The following CPNE5 variants were observed in gnomAD, a reference collection of about 807,000 sequenced individuals.
CPNE5 encodes the protein copine 5.
Under a neutral mutation model 81.1 loss-of-function variants are expected in CPNE5, and 42 were observed. The ratio of observed to expected loss-of-function variants is 0.52; its 90% CI spans 0.40 to 0.67. The LOEUF is 0.67. Among genes scored for constraint, CPNE5 ranks in the 30% least tolerant of loss-of-function variants. The probability of loss-of-function intolerance (pLI) is 0.00; values close to 1 mark genes in which losing one functional copy is unlikely to be tolerated. For synonymous variants in CPNE5, 313 were observed against 321.5 expected (o/e 0.97, Z 0.28); for missense variants, 612 against 815.5 (o/e 0.75, Z 3.04).
chr6:36,770,492 G>A (rs999936348), intron 10 of CPNE5, among the ~76,000 whole-genome samples: 8 of 152,054 alleles, frequency 5.3e-5, no homozygotes, highest in African/African-American at 1.9e-4. Flanking sequence ...CCATCATTCC[G>A]AGAACACTGC....
rs1451583650 is a variant in CPNE5 at position 36,753,542 on chromosome 6, AGC to A, written c.910-449_910-448del. 2.0e-5 allele frequency among the ~76,000 whole-genome samples: 3 copies of A among 152,356 alleles called. No individual in the cohort carries two copies. The East Asian group carries it at 5.8e-4, about 29-fold the overall frequency. ...GCCTAACAACCTGCCAATGCCGACC[AGC>A]TTCAGGCTTCCATGTGCCTAGAGCT... is the stretch of plus-strand genomic sequence containing the variant. On this transcript the variant is annotated intron_variant, in intron 13 of 20. Coordinates refer to ENST00000244751, the MANE Select transcript of CPNE5 (RefSeq NM_020939.2).
At chr6:36,742,985 T>G in intron 20 of CPNE5, 1 of 985,396 alleles carries the variant, frequency 1.0e-6, no homozygotes, top group Non-Finnish European at 1.2e-6. Context: ...GCGCCTCTTC[T>G]GGCTCACTCC....
At chr6:36,811,148 C>T (rs575082010) in intron 3 of CPNE5, among the ~76,000 whole-genome samples, 2 of 152,186 alleles carry the variant, frequency 1.3e-5, no homozygotes. Context: ...CTCTCCACCA[C>T]CTTGTCCCCA....
At chr6:36,753,861 G>A (rs1158480700) in intron 13 of CPNE5, among the ~76,000 whole-genome samples, 2 of 152,234 alleles carry the variant, frequency 1.3e-5, no homozygotes, top group Non-Finnish European at 2.9e-5. Flanking sequence ...TATGAGACAA[G>A]ATTAGGGCAG....
chr6:36,775,557 G>T lies in CPNE5; in HGVS notation c.633-492C>A, dbSNP rs934614245. ...TTGTGCCTGCTGTTCCCCTGGCCTG[G>T]AATATTCTCTCCTCCGCTTCCATCT... On this transcript the variant is annotated intron_variant, in intron 9 of 20. Coordinates refer to ENST00000244751, the MANE Select transcript of CPNE5 (RefSeq NM_020939.2). 2.4e-4 allele frequency among the ~76,000 whole-genome samples: 37 copies of T among 152,148 alleles called. 1 individual carries two copies. Among genetic ancestry groups the T allele is most frequent in the Non-Finnish European group, 7.3e-5 (5 of 68,034 alleles).
chr6:36,829,125 C>G (rs1296871544), intron 1 of CPNE5, among the ~76,000 whole-genome samples: 1 of 152,184 alleles, frequency 6.6e-6, no homozygotes, highest in Non-Finnish European at 1.5e-5. Flanking sequence ...CCCTACTACC[C>G]TTGCCCACCA....
At chr6:36,803,867 G>A (rs565029793) in intron 3 of CPNE5, among the ~76,000 whole-genome samples, 1 of 152,338 alleles carries the variant, frequency 6.6e-6, no homozygotes, top group South Asian at 2.1e-4. Flanking sequence ...ACAAATCTCA[G>A]TGGGTGGGGC....
intron 3 of CPNE5, among the ~76,000 whole-genome samples, chr6:36,805,544 G>C (rs1026505641): frequency 6.6e-6 from 1 of 152,224 alleles, no homozygotes; most frequent in Non-Finnish European, 1.5e-5. Context: ...GAGAGCCCTA[G>C]AGAATTGTTA....
At chr6:36,744,029 C>T (rs1454411425) in intron 19 of CPNE5, among the ~76,000 whole-genome samples, 1 of 152,260 alleles carries the variant, frequency 6.6e-6, no homozygotes, top group Non-Finnish European at 1.5e-5. Context: ...GGGCCTCCTC[C>T]CCACAGCCTT....
At chr6:36,782,863 ACACAC>A (rs1768163757) in intron 8 of CPNE5, among the ~76,000 whole-genome samples, 3 of 148,084 alleles carry the variant, frequency 2.0e-5, no homozygotes, top group Non-Finnish European at 3.0e-5. Flanking sequence ...ACACACACAC[ACACAC>A]AAAACGGCAC....
At chr6:36,818,278 C>T (rs1771736190) in intron 3 of CPNE5, among the ~76,000 whole-genome samples, 1 of 152,212 alleles carries the variant, frequency 6.6e-6, no homozygotes, top group South Asian at 2.1e-4. Flanking sequence ...TTTCCCTCCC[C>T]TGAACTCCCA....
At chr6:36,781,608 G>A (rs1768040665) in intron 8 of CPNE5, among the ~76,000 whole-genome samples, 1 of 152,086 alleles carries the variant, frequency 6.6e-6, no homozygotes, top group African/African-American at 2.4e-5. Context: ...TGGATGGAAG[G>A]AACACTTTAA....
In CPNE5 at chr6:36,748,267, C is replaced by T. The variant is rs1342765576; in HGVS notation, c.972G>A (p.Gly324=). ...TGGCCACAGTGAAGTTGATCTGGGT[C>T]CTAGAAGAGGGAGAACAGCAGGGGA... The part of the protein sequence containing the change: ...ECTFLDYIKG[G]TQINFTVAID... Residue 324 remains glycine, a splice_region_variant and synonymous_variant, in exon 15 of 21, where the codon GGG becomes GGA. Coordinates refer to ENST00000244751, the MANE Select transcript of CPNE5 (RefSeq NM_020939.2). 1.9e-6 allele frequency: 3 copies of T among 1,614,086 alleles called. No individual in the cohort carries two copies. The South Asian group carries it at 3.3e-5, about 18-fold the overall frequency.
chr6:36,806,391 A>T (rs571275144), intron 3 of CPNE5, among the ~76,000 whole-genome samples: 3 of 152,072 alleles, frequency 2.0e-5, no homozygotes, highest in Non-Finnish European at 4.4e-5. Flanking sequence ...CCTCAGCTCC[A>T]TGGTTCTGGG....
At chr6:36,828,077 G>T (rs796158103) in intron 1 of CPNE5, among the ~76,000 whole-genome samples, 3 of 151,982 alleles carry the variant, frequency 2.0e-5, no homozygotes, top group African/African-American at 7.2e-5. Flanking sequence ...AGTCTCCAAG[G>T]CCCCAGCAAG....
At chr6:36,758,071 C>T (rs887695296) in intron 12 of CPNE5, among the ~76,000 whole-genome samples, 9 of 152,092 alleles carry the variant, frequency 5.9e-5, no homozygotes, top group Non-Finnish European at 1.3e-4. Context: ...GAGGAGGAGG[C>T]TCATCCAGGA....
At chr6:36,793,001 G>A (rs236408) in intron 7 of CPNE5, among the ~76,000 whole-genome samples, 7,261 of 152,128 alleles carry the variant, frequency 0.048, 278 homozygotes, top group East Asian at 0.12. Flanking sequence ...TATAATGAGC[G>A]TGACTGTATA....
intron 3 of CPNE5, among the ~76,000 whole-genome samples, chr6:36,808,593 G>A (rs577920127): frequency 6.6e-6 from 1 of 152,220 alleles, no homozygotes; most frequent in African/African-American, 2.4e-5. Context: ...CTTACGATCT[G>A]CCTGAGACAC....
intron 3 of CPNE5, among the ~76,000 whole-genome samples, chr6:36,817,885 C>T (rs868544332): frequency 7.2e-5 from 11 of 152,146 alleles, no homozygotes; most frequent in Admixed American, 2.6e-4. Flanking sequence ...CCTCCCAAGG[C>T]CTGGAGTAGT....
Sources: allele counts gnomAD v4.1 joint callset (sites outside exome capture counted in the v4.1 genomes callset), GRCh38; gene constraint gnomAD v4.1.1; transcripts MANE v1.5; gene names NCBI Gene and HGNC (gene_info 2026-07-23, HGNC 2026-07-21).